Variants in STAG1 observed in about 807,000 individuals in gnomAD.
The protein encoded by STAG1 is STAG1 cohesin complex component.
STAG1 carries 26 observed loss-of-function variants against 170.9 expected under a neutral mutation model. The observed-to-expected ratio is 0.15, with a 90% CI of 0.11 to 0.21. The LOEUF (loss-of-function observed/expected upper bound fraction) is 0.21, where lower values mean the gene tolerates loss of function less well. STAG1 is among the 10% of genes least tolerant of loss of function. STAG1 has a pLI of 1.00. For missense variants in STAG1, 964 were observed against 1,509.5 expected (o/e 0.64, Z 5.99); for synonymous variants, 514 against 497.7 (o/e 1.03, Z -0.44).
chr3:136,617,999 T>C (rs774193165), intron 3 of STAG1, among the ~76,000 whole-genome samples: 2 of 152,244 alleles, frequency 1.3e-5, no homozygotes, highest in African/African-American at 2.4e-5. Context: ...TATGTATGAA[T>C]AGACATTTAA....
intron 8 of STAG1, among the ~76,000 whole-genome samples, chr3:136,502,398 C>A (rs1933531957): frequency 6.6e-6 from 1 of 152,028 alleles, no homozygotes; most frequent in South Asian, 2.1e-4. Context: ...TTGCCTAACT[C>A]CCAGACCAAC....
chr3:136,533,695 C>T (rs886689983), intron 6 of STAG1, among the ~76,000 whole-genome samples: 26 of 152,124 alleles, frequency 1.7e-4, no homozygotes, highest in African/African-American at 5.8e-4. Flanking sequence ...GGTATCTGTC[C>T]CCATGACCCA....
chr3:136,417,710 G>C (rs1371812480), intron 21 of STAG1, 175 bp downstream of exon 21: 1 of 555,450 alleles, frequency 1.8e-6, no homozygotes, highest in Non-Finnish European at 3.2e-6. Flanking sequence ...TAACACATAA[G>C]CCAGTATAAT....
intron 1 of STAG1, among the ~76,000 whole-genome samples, chr3:136,633,721 G>A (rs1394539597): frequency 5.2e-5 from 7 of 135,008 alleles, no homozygotes; most frequent in Non-Finnish European, 1.1e-4. Context: ...GGGGGGGGGG[G>A]GGGTCAGGGG....
chr3:136,723,300 C>T (rs1243850972), intron 1 of STAG1, among the ~76,000 whole-genome samples: 7 of 151,714 alleles, frequency 4.6e-5, no homozygotes, highest in African/African-American at 1.5e-4. Flanking sequence ...CGTCTCTGCC[C>T]GGCCGCCCAT....
At chr3:136,663,914 G>A (rs960221423) in intron 1 of STAG1, among the ~76,000 whole-genome samples, 4 of 152,134 alleles carry the variant, frequency 2.6e-5, no homozygotes, top group Non-Finnish European at 5.9e-5. Context: ...CAAAGATAGT[G>A]GTTTAGGTCT....
chr3:136,604,621 C>CATAAGTTTA lies in STAG1; in HGVS notation c.133-157_133-149dup. 4.3e-6 allele frequency: 3 copies of CATAAGTTTA among 694,350 alleles called. No homozygotes were observed. The East Asian group carries it at 8.9e-5, about 21-fold the overall frequency. 43.0% of individuals were successfully genotyped at this position (694,350 alleles called of 1,614,324 possible). On this transcript the variant is annotated intron_variant, in intron 3 of 33. Coordinates refer to ENST00000383202, the MANE Select transcript of STAG1 (RefSeq NM_005862.3). ...ATTCAAAAAAGTGCAAAGAGCAAAA[C>CATAAGTTTA]ATAAGTTTATACATAAAAGGTATGA...
intron 11 of STAG1, among the ~76,000 whole-genome samples, chr3:136,472,848 T>C (rs1177139126): frequency 6.6e-6 from 1 of 152,168 alleles, no homozygotes; most frequent in African/African-American, 2.4e-5. Flanking sequence ...AAGCAGAGAT[T>C]CACTTATCAA....
intron 1 of STAG1, among the ~76,000 whole-genome samples, chr3:136,650,996 G>C (rs1403928104): frequency 1.3e-5 from 2 of 151,802 alleles, no homozygotes; most frequent in African/African-American, 4.8e-5. Context: ...TAAAGATAAT[G>C]GGCTCGGTTT....
chr3:136,486,981 G>A (rs1409306371), intron 9 of STAG1, among the ~76,000 whole-genome samples: 4 of 108,838 alleles, frequency 3.7e-5, no homozygotes, highest in Non-Finnish European at 5.1e-5. Flanking sequence ...ATGCAATGCC[G>A]ATTTTTTTTT....
At chr3:136,521,026 T>C (rs1226712745) in intron 7 of STAG1, among the ~76,000 whole-genome samples, 187 bp downstream of exon 7, 1 of 152,132 alleles carries the variant, frequency 6.6e-6, no homozygotes, top group Non-Finnish European at 1.5e-5. Context: ...CCAGAAAATT[T>C]CAATTTTCAT....
intron 10 of STAG1, among the ~76,000 whole-genome samples, chr3:136,475,133 G>C (rs1334446186): frequency 7.6e-6 from 1 of 132,012 alleles, no homozygotes; most frequent in Non-Finnish European, 1.6e-5. Context: ...CTTTTTTATA[G>C]GTTCCTTTTT....
intron 10 of STAG1, among the ~76,000 whole-genome samples, chr3:136,475,389 C>T (rs1396412057): frequency 1.3e-5 from 2 of 152,044 alleles, no homozygotes; most frequent in African/African-American, 4.8e-5. Context: ...TCAGGTGATC[C>T]GCCTGTCTCT....
intron 1 of STAG1, among the ~76,000 whole-genome samples, chr3:136,690,056 C>CAAAAAAAAAAAAA (rs57082567): frequency 1.4e-3 from 77 of 56,272 alleles, no homozygotes; most frequent in African/African-American, 1.9e-3. Context: ...AAAAGCAAAC[C>CAAAAAAAAAAAAA]AAAAAAAAAA....
At chr3:136,708,330 G>A (rs938387066) in intron 1 of STAG1, among the ~76,000 whole-genome samples, 6 of 151,744 alleles carry the variant, frequency 4.0e-5, no homozygotes, top group Non-Finnish European at 7.4e-5. Flanking sequence ...CTATAACTTC[G>A]ATAAACATTG....
intron 4 of STAG1, among the ~76,000 whole-genome samples, chr3:136,595,080 C>G (rs988254520): frequency 1.3e-5 from 2 of 152,160 alleles, no homozygotes; most frequent in Non-Finnish European, 2.9e-5. Flanking sequence ...TATAGTCCAA[C>G]TTTTATAGTT....
At chr3:136,445,398 T>G (rs1262874203) in intron 14 of STAG1, among the ~76,000 whole-genome samples, 1 of 152,096 alleles carries the variant, frequency 6.6e-6, no homozygotes, top group Non-Finnish European at 1.5e-5. Flanking sequence ...AAAAATAAAT[T>G]GTTTCAAAAC....
intron 1 of STAG1, among the ~76,000 whole-genome samples, chr3:136,680,847 A>G (rs898598488): frequency 1.3e-5 from 2 of 151,664 alleles, no homozygotes; most frequent in Non-Finnish European, 2.9e-5. Flanking sequence ...ATATACAGTC[A>G]TTCCTCAATA....
intron 21 of STAG1, among the ~76,000 whole-genome samples, chr3:136,415,498 G>A (rs2087745589): frequency 6.6e-6 from 1 of 152,114 alleles, no homozygotes; most frequent in Non-Finnish European, 1.5e-5. Context: ...CTTATTGTAA[G>A]TACACAGTTG....
Sources: gnomAD v4.1 joint callset for allele counts (sites outside exome capture counted in the v4.1 genomes callset) on GRCh38, gnomAD v4.1.1 for gene constraint, MANE v1.5 for transcripts, NCBI Gene and HGNC (gene_info 2026-07-23, HGNC 2026-07-21) for gene names.